The following MRPL18 variants were observed in gnomAD, a reference collection of about 807,000 sequenced individuals.
The protein encoded by MRPL18 is mitochondrial ribosomal protein L18.
Under a neutral mutation model 20.9 loss-of-function variants are expected in MRPL18, and 16 were observed. The ratio of observed to expected loss-of-function variants is 0.76; its 90% CI spans 0.52 to 1.16. MRPL18 has a LOEUF of 1.16. Ranked by LOEUF, MRPL18 falls within the 50% of genes most tolerant of loss-of-function variation. The probability of loss-of-function intolerance (pLI) is 0.00; values close to 1 mark genes in which losing one functional copy is unlikely to be tolerated. For synonymous variants in MRPL18, 91 were observed against 87.1 expected (o/e 1.04, Z -0.25); for missense variants, 233 against 230.6 (o/e 1.01, Z -0.07).
At chr6:159,792,814 T>C (rs1780934351) in intron 2 of MRPL18, among the ~76,000 whole-genome samples, 1 of 152,142 alleles carries the variant, frequency 6.6e-6, no homozygotes, top group African/African-American at 2.4e-5. Context: ...ATTTGTTTTG[T>C]TTTGTTTGAG....
intron 2 of MRPL18, among the ~76,000 whole-genome samples, chr6:159,796,751 T>A (rs748520169): frequency 1.3e-5 from 2 of 152,088 alleles, no homozygotes; most frequent in Non-Finnish European, 1.5e-5. Context: ...ACTGCTGTAC[T>A]CCGAGCTGGG....
At chr6:159,790,306 AC>A (rs1253554485), upstream of MRPL18, among the ~76,000 whole-genome samples, 1 of 152,106 alleles carries the variant, frequency 6.6e-6, no homozygotes, top group Non-Finnish European at 1.5e-5. Flanking sequence ...GACTTAAGCA[AC>A]AAGCGTGGTC....
intron 3 of MRPL18, 49 bp downstream of exon 3, chr6:159,797,567 G>A: frequency 1.3e-6 from 2 of 1,558,076 alleles, no homozygotes; most frequent in African/African-American, 1.4e-5. Flanking sequence ...GTTAATTCTT[G>A]GCATTAGATA....
intron 2 of MRPL18, among the ~76,000 whole-genome samples, chr6:159,792,954 C>A (rs1054801592): frequency 3.9e-5 from 6 of 152,016 alleles, no homozygotes; most frequent in Admixed American, 6.6e-5. Flanking sequence ...CAGGCACACA[C>A]TACCATGGCC....
In MRPL18 at chr6:159,797,424, A is replaced by G; in HGVS notation, c.377A>G (p.Glu126Gly). 1 of 1,614,164 alleles carries G rather than the reference A, an allele frequency of 6.2e-7. No homozygotes were observed. The highest frequency in any genetic ancestry group is 8.5e-7 in the Non-Finnish European group (1 of 1,180,048). Residue 126 changes from glutamate to glycine, a missense_variant, in exon 3 of 4, where the codon GAG (glutamate) becomes GGG (glycine). Glu to Gly is a moderately conservative substitution (Grantham distance 98). Transcript: ENST00000367034. ...AGTACCAGAAATGTGGTGGCTTGTG[A>G]GAGTATAGGACGAGTGCTGGCACAG... ...LYSTRNVVAC[E>G]SIGRVLAQRC...
intron 2 of MRPL18, 70 bp from the exon 3 acceptor site, chr6:159,797,217 T>C: frequency 7.4e-7 from 1 of 1,350,202 alleles, no homozygotes; most frequent in Non-Finnish European, 1.0e-6. Flanking sequence ...TAGTCATTTA[T>C]TCACCTCAAT....
intron 2 of MRPL18, among the ~76,000 whole-genome samples, chr6:159,791,427 C>G (rs1321894105): frequency 6.6e-6 from 1 of 152,168 alleles, no homozygotes; most frequent in Non-Finnish European, 1.5e-5. Flanking sequence ...GGGTGAGGAA[C>G]TGAAGGGCTT....
At chr6:159,793,150 A>G (rs1780945406) in intron 2 of MRPL18, among the ~76,000 whole-genome samples, 1 of 152,020 alleles carries the variant, frequency 6.6e-6, no homozygotes. Context: ...TTGATTTAAT[A>G]TTTGGATCAT....
chr6:159,790,537 G>A lies in MRPL18; in HGVS notation c.-51G>A, dbSNP rs1457059669. ...ATATGGCTGCTCCTGGCGAGCGACT[G>A]AGTCGTCCGTGAGGAAAAAGAGGCG... On this transcript the variant is annotated 5_prime_UTR_variant, in exon 1 of 4. Transcript: ENST00000367034. 2.5e-6 allele frequency: 4 copies of A among 1,613,478 alleles called. No homozygotes were observed. Among genetic ancestry groups the A allele is most frequent in the African/African-American group, 1.3e-5 (1 of 74,920 alleles).
In MRPL18 at chr6:159,797,300, A is replaced by G. The variant is rs200146547; in HGVS notation, c.253A>G (p.Arg85Gly). ...CACCCCATTTAGGTTGCGAGTTATA[A>G]GGACTCAGCATCATGTAGAAGCACT... ...REFWHRLRVIRTQHHVEALVE... is the reference protein window; with the variant it reads ...REFWHRLRVIGTQHHVEALVE... The change falls in exon 3 of 4, where the codon AGG becomes GGG. Residue 85 changes from arginine to glycine, a missense_variant. Coordinates refer to ENST00000367034, the MANE Select transcript of MRPL18 (RefSeq NM_014161.5). 1 of 1,614,192 alleles carries G rather than the reference A, an allele frequency of 6.2e-7. No individual in the cohort carries two copies. The highest frequency in any genetic ancestry group is 2.2e-5 in the East Asian group (1 of 44,890).
intron 2 of MRPL18, among the ~76,000 whole-genome samples, chr6:159,791,453 A>C (rs1249956142): frequency 6.6e-6 from 1 of 152,224 alleles, no homozygotes. Context: ...TCTGAAGCTC[A>C]ATGGGCAGAG....
At chr6:159,794,744 G>C (rs760592829) in intron 2 of MRPL18, among the ~76,000 whole-genome samples, 15 of 152,226 alleles carry the variant, frequency 9.9e-5, no homozygotes, top group Non-Finnish European at 2.2e-4. Context: ...TTATGAAGGG[G>C]TGGGTTGCCC....
At chr6:159,792,453 C>T (rs1409105308) in intron 2 of MRPL18, among the ~76,000 whole-genome samples, 1 of 152,058 alleles carries the variant, frequency 6.6e-6, no homozygotes, top group Admixed American at 6.5e-5. Flanking sequence ...TAGATGTTAT[C>T]CCTGTCATCA....
rs1273676471 is a variant in MRPL18, at chr6:159,798,376, G to A, written c.*253G>A. Reference sequence around the variant, plus strand: ...ATCAATTATAATTAACTTTCAAAGGGCAAGTCAGAAGTTGTTTATAAATTA... The same window carrying A: ...ATCAATTATAATTAACTTTCAAAGGACAAGTCAGAAGTTGTTTATAAATTA... On this transcript the variant is annotated 3_prime_UTR_variant, in exon 4 of 4. Transcript: ENST00000367034. 2 of 399,840 alleles carry A rather than the reference G, an allele frequency of 5.0e-6. No homozygotes were observed. Among genetic ancestry groups the A allele is most frequent in the East Asian group, 4.3e-5 (1 of 23,110 alleles). 24.8% of individuals were successfully genotyped at this position (399,840 alleles called of 1,614,324 possible).
Position 159,798,227 on chromosome 6 carries a change from C to A in MRPL18, c.*104C>A. 2 of 891,008 alleles carry A rather than the reference C, an allele frequency of 2.2e-6. No individual in the cohort carries two copies. Among genetic ancestry groups the A allele is most frequent in the South Asian group, 1.6e-5 (1 of 61,690 alleles). The allele number at this position is 891,008 out of a possible 1,614,324, so 55.2% of individuals were successfully genotyped here. Reference sequence around the variant, plus strand: ...AACAGCCAGCTTGGAAGTTTTACAGCAATAATGTTGCAGTGGAATATTATT... The same window carrying A: ...AACAGCCAGCTTGGAAGTTTTACAGAAATAATGTTGCAGTGGAATATTATT... On this transcript the variant is annotated 3_prime_UTR_variant, in exon 4 of 4. Transcript: ENST00000367034.
chr6:159,792,452 TC>T (rs1165256856), intron 2 of MRPL18, among the ~76,000 whole-genome samples: 1 of 152,182 alleles, frequency 6.6e-6, no homozygotes, highest in Non-Finnish European at 1.5e-5. Context: ...GTAGATGTTA[TC>T]CCTGTCATCA....
upstream of MRPL18, among the ~76,000 whole-genome samples, chr6:159,790,277 G>A (rs576662673): frequency 6.6e-6 from 1 of 152,314 alleles, no homozygotes; most frequent in East Asian, 1.9e-4. Context: ...GTTTTGTGGG[G>A]TGTGTGCCTT....
intron 2 of MRPL18, among the ~76,000 whole-genome samples, chr6:159,793,048 AGCTCTT>A: frequency 6.7e-6 from 1 of 148,518 alleles, no homozygotes; most frequent in Non-Finnish European, 1.5e-5. Context: ...GCTGGTCTCG[AGCTCTT>A]GAGCTCGAGA....
chr6:159,791,119 T>C lies in MRPL18; in HGVS notation c.232T>C (p.Trp78Arg), dbSNP rs747836635. ...GACGGTGTTTCCCTCCCGTGAGTTC[T>C]GGCACAGGTAATTAAATCTGCTTGT... ...WRTVFPSREF[W>R]HRLRVIRTQH... The change falls in exon 2 of 4, where the codon TGG becomes CGG. Residue 78 changes from tryptophan (W) to arginine (R), a missense_variant. Trp to Arg is a moderately radical substitution (Grantham distance 101). Coordinates refer to ENST00000367034, the MANE Select transcript of MRPL18 (RefSeq NM_014161.5). 2 of 1,614,200 alleles carry C rather than the reference T, an allele frequency of 1.2e-6. No individual in the cohort carries two copies. Among genetic ancestry groups the C allele is most frequent in the South Asian group, 2.2e-5 (2 of 91,082 alleles).
Sources: gnomAD v4.1 joint callset for allele counts (sites outside exome capture counted in the v4.1 genomes callset) on GRCh38, gnomAD v4.1.1 for gene constraint, MANE v1.5 for transcripts, NCBI Gene and HGNC (gene_info 2026-07-23, HGNC 2026-07-21) for gene names.